The following SSPN variants were observed in gnomAD, a reference collection of about 807,000 sequenced individuals.
The protein encoded by SSPN is K-ras oncogene-associated protein.
Under a neutral mutation model 19.1 loss-of-function variants are expected in SSPN, and 15 were observed. That is an observed-to-expected ratio of 0.78 (90% CI 0.52 to 1.21). SSPN has a LOEUF of 1.21. SSPN is among the 50% of genes most tolerant of loss of function. The probability of loss-of-function intolerance (pLI) is 0.00; values close to 1 mark genes in which losing one functional copy is unlikely to be tolerated. For synonymous variants in SSPN, 147 were observed against 140.3 expected (o/e 1.05, Z -0.34); for missense variants, 291 against 314.0 (o/e 0.93, Z 0.55).
chr12:26,131,906 G>A (rs1379500086), intron 1 of SSPN, among the ~76,000 whole-genome samples: 2 of 152,184 alleles, frequency 1.3e-5, no homozygotes, highest in African/African-American at 4.8e-5. Context: ...GGACCTAGGT[G>A]TGCTCCAGGG....
At chr12:26,187,537 G>A (rs886377256) in intron 1 of SSPN, among the ~76,000 whole-genome samples, 10 of 152,154 alleles carry the variant, frequency 6.6e-5, no homozygotes, top group Admixed American at 5.2e-4. Context: ...TGATGTAACC[G>A]TCACGAGGTG....
intron 1 of SSPN, among the ~76,000 whole-genome samples, chr12:26,203,362 G>T (rs954191475): frequency 6.6e-6 from 1 of 152,204 alleles, no homozygotes; most frequent in Non-Finnish European, 1.5e-5. Context: ...TGATGTCATA[G>T]TTTAACCTTC....
chr12:26,171,635 T>G (rs890585824), intron 1 of SSPN, among the ~76,000 whole-genome samples: 1 of 150,428 alleles, frequency 6.6e-6, no homozygotes, highest in Admixed American at 6.6e-5. Context: ...TTTTTTTTTT[T>G]GTCAAAGAAC....
chr12:26,232,644 T>A lies in SSPN; in HGVS notation c.*1568T>A. 1 of 985,236 alleles carries A rather than the reference T, an allele frequency of 1.0e-6. No homozygotes were observed. Among genetic ancestry groups the A allele is most frequent in the Non-Finnish European group, 1.2e-6 (1 of 829,776 alleles). 61.0% of individuals were successfully genotyped at this position (985,236 alleles called of 1,614,324 possible). A position where few individuals can be genotyped will look rare whatever the true frequency, so the allele number is the denominator to read the frequency against. ...CACTGATTGTGATAATGGTTTCAAT[T>A]TCTACACAATATAAATATCCAGTAT... On this transcript the variant is annotated 3_prime_UTR_variant, in exon 3 of 3. Coordinates refer to ENST00000242729, the MANE Select transcript of SSPN (RefSeq NM_005086.5).
intron 2 of SSPN, among the ~76,000 whole-genome samples, chr12:26,225,324 G>A (rs1033828587): frequency 4.9e-4 from 74 of 151,950 alleles, no homozygotes; most frequent in African/African-American, 1.6e-3. Flanking sequence ...AAAGCAAAGG[G>A]ATGATATCTT....
upstream of SSPN, chr12:26,195,506 G>C (rs1944817991): frequency 1.7e-6 from 2 of 1,180,478 alleles, no homozygotes; most frequent in Non-Finnish European, 2.1e-6. Context: ...CTCTGCTGCG[G>C]GCTCCCCGTG....
chr12:26,127,100 C>T (rs1290932491), intron 1 of SSPN, among the ~76,000 whole-genome samples: 1 of 152,158 alleles, frequency 6.6e-6, no homozygotes, highest in Non-Finnish European at 1.5e-5. Flanking sequence ...ACCAGGTCCC[C>T]TTCTAGATTT....
intron 1 of SSPN, among the ~76,000 whole-genome samples, chr12:26,179,093 G>A (rs945054032): frequency 6.6e-6 from 1 of 152,162 alleles, no homozygotes; most frequent in African/African-American, 2.4e-5. Context: ...GAGCAGAGCT[G>A]ACCTAGGCTA....
At chr12:26,122,849 C>A in intron 1 of SSPN, 1 of 1,574,924 alleles carries the variant, frequency 6.3e-7, no homozygotes. Context: ...GCTGAGTCCG[C>A]TGGATGACGG....
At chr12:26,138,965 A>G (rs932614253) in intron 1 of SSPN, among the ~76,000 whole-genome samples, 1 of 152,198 alleles carries the variant, frequency 6.6e-6, no homozygotes, top group South Asian at 2.1e-4. Context: ...AATAATTTCA[A>G]TTCTGCATAT....
At chr12:26,188,472 G>A (rs1944767932) in intron 1 of SSPN, among the ~76,000 whole-genome samples, 3 of 152,170 alleles carry the variant, frequency 2.0e-5, no homozygotes, top group Non-Finnish European at 4.4e-5. Flanking sequence ...AGGATTACTG[G>A]TCAAAATGAA....
At chr12:26,173,436 C>T (rs1408251309) in intron 1 of SSPN, among the ~76,000 whole-genome samples, 1 of 152,192 alleles carries the variant, frequency 6.6e-6, no homozygotes, top group African/African-American at 2.4e-5. Context: ...TGCATCCCTA[C>T]TCTGGAGCCT....
intron 1 of SSPN, among the ~76,000 whole-genome samples, chr12:26,222,532 G>A (rs544038305): frequency 2.0e-5 from 3 of 152,318 alleles, no homozygotes; most frequent in African/African-American, 7.2e-5. Flanking sequence ...GTGCAAACCA[G>A]TTGTTTAATG....
intron 1 of SSPN, among the ~76,000 whole-genome samples, chr12:26,161,346 G>GC (rs1944587330): frequency 6.6e-6 from 1 of 151,862 alleles, no homozygotes; most frequent in Non-Finnish European, 1.5e-5. Flanking sequence ...AGGTACCTAT[G>GC]CCCGAGGGTC....
At chr12:26,178,865 A>C (rs7316143) in intron 1 of SSPN, among the ~76,000 whole-genome samples, 28,543 of 152,194 alleles carry the variant, frequency 0.19, 4,316 homozygotes, top group African/African-American at 0.41. Flanking sequence ...GTTACTGTAG[A>C]TATCTAGACT....
At chr12:26,124,844 G>A in intron 1 of SSPN, 1 of 1,527,828 alleles carries the variant, frequency 6.5e-7, no homozygotes, top group Non-Finnish European at 9.1e-7. Flanking sequence ...CTGTGGGACG[G>A]TAGGCTTGGG....
chr12:26,194,573 AC>A, upstream of SSPN, among the ~76,000 whole-genome samples: 1 of 152,208 alleles, frequency 6.6e-6, no homozygotes, highest in South Asian at 2.1e-4. Flanking sequence ...TTTAGTGGAG[AC>A]GGGGTTTCAC....
chr12:26,204,624 C>A (rs1325957583), intron 1 of SSPN, among the ~76,000 whole-genome samples: 1 of 152,048 alleles, frequency 6.6e-6, no homozygotes, highest in African/African-American at 2.4e-5. Flanking sequence ...ACTGTGGGCA[C>A]CCCCCACCCG....
At chr12:26,201,034 T>TAA (rs1944877521) in intron 1 of SSPN, among the ~76,000 whole-genome samples, 1 of 55,860 alleles carries the variant, frequency 1.8e-5, no homozygotes, top group Non-Finnish European at 3.4e-5. Flanking sequence ...TATATATATA[T>TAA]ATATATATAT....
Sources: allele counts gnomAD v4.1 joint callset (sites outside exome capture counted in the v4.1 genomes callset), GRCh38; gene constraint gnomAD v4.1.1; transcripts MANE v1.5; gene names NCBI Gene and HGNC (gene_info 2026-07-23, HGNC 2026-07-21).